The following NFIX variants were observed in gnomAD, a reference collection of about 807,000 sequenced individuals.
NFIX encodes the protein nuclear factor 1 X-type.
A neutral mutation model predicts 53.3 loss-of-function variants in NFIX; 2 were observed. The ratio of observed to expected loss-of-function variants is 0.04; its 90% confidence interval spans 0.02 to 0.12. The LOEUF (loss-of-function observed/expected upper bound fraction) is 0.12. NFIX is among the 10% of genes least tolerant of loss of function. NFIX has a pLI of 1.00. For missense variants in NFIX, 310 were observed against 674.5 expected (o/e 0.46, Z 5.99); for synonymous variants, 244 against 289.0 (o/e 0.84, Z 1.58).
At position 13,079,018 on chromosome 19, in the gene NFIX, C is replaced by T. The variant is rs568484450; in HGVS notation, c.1078+283C>T. Among the ~76,000 whole-genome samples, 13 of 152,334 alleles carry T rather than the reference C, an allele frequency of 8.5e-5. No individual in the cohort carries two copies. The East Asian group carries it at 1.5e-3, about 18-fold the overall frequency. ...TGCTACATACAACACAAGCCTGTCC[C>T]GAGTCCTCCCCAACTCTGGCCCAGT... On this transcript the variant is annotated intron_variant, in intron 7 of 10. Transcript: ENST00000592199.
At position 12,996,598 on chromosome 19, in the gene NFIX, C is replaced by T. The variant is rs1464167883; in HGVS notation, c.27+734C>T. On this transcript the variant is annotated intron_variant, in intron 1 of 10. Coordinates refer to ENST00000592199, the MANE Select transcript of NFIX (RefSeq NM_001365902.3). This position sits in a 1 kb window ranked among gnomAD's most constrained non-coding sequence, Gnocchi z 5.2. Reference sequence around the variant, plus strand: ...CCCGGACGTCGCAGCCTCTGCCCCCCCACCCCCAAACTTTCCTCGGCGCAA... The same window carrying T: ...CCCGGACGTCGCAGCCTCTGCCCCCTCACCCCCAAACTTTCCTCGGCGCAA... Among the ~76,000 whole-genome samples the T allele has an allele frequency of 2.0e-5, 3 of 152,176 alleles. No individual in the cohort carries two copies. The highest frequency in any genetic ancestry group is 4.4e-5 in the Non-Finnish European group (3 of 68,004).
At chr19:13,057,237 C>T (rs947990978) in intron 2 of NFIX, among the ~76,000 whole-genome samples, 3 of 152,212 alleles carry the variant, frequency 2.0e-5, no homozygotes, top group African/African-American at 4.8e-5. Context: ...GAGCCTCCCC[C>T]ACCAATGACA....
rs1297834175 is a variant in NFIX at position 13,036,118 on chromosome 19, G to A, written c.559+10566G>A. On this transcript the variant is annotated intron_variant, in intron 2 of 10. Coordinates refer to ENST00000592199, the MANE Select transcript of NFIX (RefSeq NM_001365902.3). The surrounding 1 kb of genome is among the most constrained non-coding windows in gnomAD (Gnocchi z 4.7). ...CCACCAAGGGGGCTGCGGCTGGAGG[G>A]AGGGGCCCCTGGGAAGTATCCTGCT... 1.3e-5 allele frequency among the ~76,000 whole-genome samples: 2 copies of A among 152,210 alleles called. No homozygotes were observed. The highest frequency in any genetic ancestry group is 2.9e-5 in the Non-Finnish European group (2 of 68,018).
At chr19:13,004,179 CAAAG>C (rs1374745095) in intron 1 of NFIX, among the ~76,000 whole-genome samples, 1 of 152,096 alleles carries the variant, frequency 6.6e-6, no homozygotes, top group African/African-American at 2.4e-5. Context: ...TCGCCGACCA[CAAAG>C]AATGATCCAG....
intron 2 of NFIX, among the ~76,000 whole-genome samples, chr19:13,038,803 G>A (rs1158811775): frequency 2.0e-5 from 3 of 152,206 alleles, no homozygotes; most frequent in Non-Finnish European, 4.4e-5. Flanking sequence ...GGTGGTGGTG[G>A]CGCAGTGGTC....
Position 13,067,752 on chromosome 19 carries a change from C to A in NFIX, c.560-5295C>A, listed in dbSNP as rs1167181416. 6.6e-6 allele frequency among the ~76,000 whole-genome samples: 1 copy of A among 152,092 alleles called. No individual in the cohort carries two copies. Among genetic ancestry groups the A allele is most frequent in the Admixed American group, 6.6e-5 (1 of 15,260 alleles). ...CTGTAGCCAGCAGGAATTCCTCCCT[C>A]ACCCTAGTGGGAGCCATAACTACCT... On this transcript the variant is annotated intron_variant, in intron 2 of 10. Transcript: ENST00000592199. This position sits in a 1 kb window ranked among gnomAD's most constrained non-coding sequence, Gnocchi z 4.2.
rs1188470371 is a variant in NFIX, at chr19:13,090,540, C to T, written c.1494+150C>T. 13 of 757,720 alleles carry T rather than the reference C, an allele frequency of 1.7e-5. No homozygotes were observed. Among genetic ancestry groups the T allele is most frequent in the Middle Eastern group, 2.3e-4 (1 of 4,258 alleles). 46.9% of individuals were successfully genotyped at this position (757,720 alleles called of 1,614,324 possible). On this transcript the variant is annotated intron_variant, in intron 10 of 10. Coordinates refer to ENST00000592199, the MANE Select transcript of NFIX (RefSeq NM_001365902.3). The surrounding 1 kb of genome is among the most constrained non-coding windows in gnomAD (Gnocchi z 6.6). ...GGGCTGGAGGGCCCAGGCTTTTGCA[C>T]GCCCAGCTGAGCCTGTCTCCCCAGG...
chr19:12,997,022 T>C (rs2011493816), intron 1 of NFIX, among the ~76,000 whole-genome samples: 1 of 152,238 alleles, frequency 6.6e-6, no homozygotes, highest in Admixed American at 6.5e-5. Context: ...TAGGGGCTGC[T>C]TAGCCCTGCT....
chr19:13,035,208 T>C (rs1447682748), intron 2 of NFIX, among the ~76,000 whole-genome samples: 2 of 152,232 alleles, frequency 1.3e-5, no homozygotes, highest in Non-Finnish European at 2.9e-5. Flanking sequence ...TTACCTTGTG[T>C]TGAATGTCGA....
chr19:13,083,755 C>T (rs946428133), intron 8 of NFIX, among the ~76,000 whole-genome samples: 1 of 152,164 alleles, frequency 6.6e-6, no homozygotes, highest in African/African-American at 2.4e-5. Flanking sequence ...GGGGGCTCAG[C>T]GGGGAGCCTG....
intron 1 of NFIX, among the ~76,000 whole-genome samples, chr19:13,003,185 C>T (rs1325156379): frequency 6.6e-6 from 1 of 152,154 alleles, no homozygotes; most frequent in African/African-American, 2.4e-5. Context: ...CACGCTGACA[C>T]ACACTGGCAT....
chr19:13,066,186 C>G lies in NFIX; in HGVS notation c.560-6861C>G, dbSNP rs2016390790. On this transcript the variant is annotated intron_variant, in intron 2 of 10. Transcript: ENST00000592199. The surrounding 1 kb of genome is among the most constrained non-coding windows in gnomAD (Gnocchi z 4.2). ...CGCTTCCCGAAGCCTTACTGCCGAG[C>G]TGTGAGTCCTGTAGTAGCCAGGCCT... 6.6e-6 allele frequency among the ~76,000 whole-genome samples: 1 copy of G among 152,164 alleles called. No homozygotes were observed. The highest frequency in any genetic ancestry group is 6.5e-5 in the Admixed American group (1 of 15,286).
chr19:13,056,013 G>T (rs984672442), intron 2 of NFIX, among the ~76,000 whole-genome samples: 2 of 152,192 alleles, frequency 1.3e-5, no homozygotes, highest in African/African-American at 4.8e-5. Flanking sequence ...TGTGGGGTGC[G>T]GTTTCGCAGG....
At chr19:13,024,506 G>A in intron 1 of NFIX, 1 of 1,509,038 alleles carries the variant, frequency 6.6e-7, no homozygotes, top group South Asian at 1.2e-5. Context: ...CTTGGGGGCG[G>A]CCAAAAATCG....
rs1309152394 is a variant in NFIX at position 13,060,259 on chromosome 19, G to T, written c.560-12788G>T. Among the ~76,000 whole-genome samples, 1 of 152,222 alleles carries T rather than the reference G, an allele frequency of 6.6e-6. No homozygotes were observed. The highest frequency in any genetic ancestry group is 1.5e-5 in the Non-Finnish European group (1 of 68,038). On this transcript the variant is annotated intron_variant, in intron 2 of 10. Transcript: ENST00000592199. The surrounding 1 kb of genome is among the most constrained non-coding windows in gnomAD (Gnocchi z 4.3). The stretch of plus-strand genomic sequence containing the variant: ...TGAACTCAGTCCCCACCTCTCAGAG[G>T]GACCTAGTACAGAGCCCAGCCCCCA...
At chr19:13,079,578 TGAG>T (rs899362194) in intron 7 of NFIX, among the ~76,000 whole-genome samples, 1 of 151,952 alleles carries the variant, frequency 6.6e-6, no homozygotes, top group Non-Finnish European at 1.5e-5. Flanking sequence ...ACACAGAAAA[TGAG>T]GAGGTTTACC....
chr19:13,078,044 C>T lies in NFIX; in HGVS notation c.956-569C>T, dbSNP rs528703402. Among the ~76,000 whole-genome samples, 1 of 152,166 alleles carries T rather than the reference C, an allele frequency of 6.6e-6. No individual in the cohort carries two copies. The highest frequency in any genetic ancestry group is 2.4e-5 in the African/African-American group (1 of 41,456). ...TAGGCCTGAGCAGCCCAAGGACTCT[C>T]CAGGTCCTCTGGCCTCTGTCCCTGC... On this transcript the variant is annotated intron_variant, in intron 6 of 10. Coordinates refer to ENST00000592199, the MANE Select transcript of NFIX (RefSeq NM_001365902.3). The surrounding 1 kb of genome is among the most constrained non-coding windows in gnomAD (Gnocchi z 4.7).
rs1033679128 is a variant in NFIX, at chr19:13,036,940, C to T, written c.559+11388C>T. On this transcript the variant is annotated intron_variant, in intron 2 of 10. Coordinates refer to ENST00000592199, the MANE Select transcript of NFIX (RefSeq NM_001365902.3). The surrounding 1 kb of genome is among the most constrained non-coding windows in gnomAD (Gnocchi z 4.7). Reference sequence around the variant, plus strand: ...GTTTCCTTAGTAACAGGAATGCTCCCGGGGGACCAAGTGAAGAAAGGCCTT... The same window carrying T: ...GTTTCCTTAGTAACAGGAATGCTCCTGGGGGACCAAGTGAAGAAAGGCCTT... Among the ~76,000 whole-genome samples the T allele has an allele frequency of 2.6e-5, 4 of 152,216 alleles. No homozygotes were observed. The highest frequency in any genetic ancestry group is 4.8e-5 in the African/African-American group (2 of 41,516).
In NFIX at chr19:13,088,315, G is replaced by A. The variant is rs933226595; in HGVS notation, c.1402+179G>A. Among the ~76,000 whole-genome samples, 1 of 151,644 alleles carries A rather than the reference G, an allele frequency of 6.6e-6. No homozygotes were observed. Among genetic ancestry groups the A allele is most frequent in the South Asian group, 2.1e-4 (1 of 4,794 alleles). The stretch of plus-strand genomic sequence containing the variant: ...ACAGCCTCCCTCCCGGGCCTCAGTC[G>A]CACCAGCCAGCACCCCACGAGCCCC... On this transcript the variant is annotated intron_variant, in intron 9 of 10. Coordinates refer to ENST00000592199, the MANE Select transcript of NFIX (RefSeq NM_001365902.3). The surrounding 1 kb of genome is among the most constrained non-coding windows in gnomAD (Gnocchi z 5.9).
Sources: gnomAD v4.1 joint callset for allele counts (sites outside exome capture counted in the v4.1 genomes callset) on GRCh38, gnomAD v4.1.1 for gene constraint, Gnocchi (gnomAD v3.1) non-coding constraint, MANE v1.5 for transcripts, NCBI Gene and HGNC (gene_info 2026-07-23, HGNC 2026-07-21) for gene names.